The following TRHDE variants were observed in gnomAD, a reference collection of about 807,000 sequenced individuals.
TRHDE encodes the protein thyrotropin releasing hormone degrading enzyme, also known as thyrotropin-releasing hormone-degrading ectoenzyme.
TRHDE carries 72 observed loss-of-function variants against 125.7 expected under a neutral mutation model. The observed-to-expected ratio is 0.57, with a 90% CI of 0.47 to 0.70. The LOEUF is 0.70. TRHDE is among the 30% of genes least tolerant of loss of function. The pLI, the probability that TRHDE is intolerant of heterozygous loss-of-function variation, is 0.00. For synonymous variants in TRHDE, 509 were observed against 509.1 expected (o/e 1.00, Z 0.00); for missense variants, 1,110 against 1,327.1 (o/e 0.84, Z 2.54).
chr12:72,281,501 T>C (rs191912938), intron 1 of TRHDE, among the ~76,000 whole-genome samples: 2 of 152,328 alleles, frequency 1.3e-5, no homozygotes, highest in East Asian at 1.9e-4. Flanking sequence ...CTTAAACTAC[T>C]GCAATATTAG....
At chr12:72,160,941 C>T (rs1876623745) in intron 2 of TRHDE, among the ~76,000 whole-genome samples, 1 of 152,150 alleles carries the variant, frequency 6.6e-6, no homozygotes, top group Non-Finnish European at 1.5e-5. Context: ...GAACTCTTCA[C>T]TGTCCTGGAA....
intron 2 of TRHDE, among the ~76,000 whole-genome samples, chr12:72,265,400 A>G (rs1029362506): frequency 5.9e-5 from 9 of 151,882 alleles, no homozygotes; most frequent in Non-Finnish European, 1.2e-4. Flanking sequence ...ACAGAGAGAG[A>G]AAAAATGGTA....
chr12:72,450,321 A>G (rs1193475239), intron 3 of TRHDE, among the ~76,000 whole-genome samples: 9 of 152,074 alleles, frequency 5.9e-5, no homozygotes, highest in Non-Finnish European at 1.3e-4. Flanking sequence ...CATTAAACAA[A>G]TGAAGAAGCC....
At chr12:72,612,692 A>G (rs1013280825) in intron 12 of TRHDE, among the ~76,000 whole-genome samples, 1 of 152,228 alleles carries the variant, frequency 6.6e-6, no homozygotes, top group African/African-American at 2.4e-5. Flanking sequence ...ATAACATCAT[A>G]ACTGGTATAC....
At chr12:72,254,191 A>T (rs1878753325) in intron 2 of TRHDE, 1 of 152,028 alleles carries the variant, frequency 6.6e-6, no homozygotes, top group Non-Finnish European at 1.5e-5. Flanking sequence ...CTTTACAGGG[A>T]CCTACAACCT....
chr12:72,646,175 T>C (rs1285480242), intron 15 of TRHDE, among the ~76,000 whole-genome samples: 4 of 152,040 alleles, frequency 2.6e-5, no homozygotes, highest in African/African-American at 9.7e-5. Context: ...TATTAAAAGG[T>C]ACACAATATG....
chr12:72,253,511 TTAAAAAAATGAACTTTATTTTTTA>T (rs1878735363), intron 2 of TRHDE: 1 of 152,242 alleles, frequency 6.6e-6, no homozygotes, highest in East Asian at 1.9e-4. Context: ...CTGTAGGTTT[TTAAAAAAATGAACTTTATTTTTTA>T]CAGCAATTTT....
intron 2 of TRHDE, among the ~76,000 whole-genome samples, chr12:72,128,524 G>A (rs749467047): frequency 6.6e-6 from 1 of 152,156 alleles, no homozygotes; most frequent in African/African-American, 2.4e-5. Flanking sequence ...GGACATTAAA[G>A]CAATGATTAA....
chr12:72,490,023 C>T (rs1370813889), intron 5 of TRHDE, among the ~76,000 whole-genome samples: 1 of 151,532 alleles, frequency 6.6e-6, no homozygotes, highest in Admixed American at 6.6e-5. Context: ...AGCTTCTGTA[C>T]AGCAAAGGAA....
chr12:72,151,293 T>A (rs1011067615), intron 2 of TRHDE, among the ~76,000 whole-genome samples: 2 of 152,340 alleles, frequency 1.3e-5, no homozygotes, highest in East Asian at 1.9e-4. Context: ...TTCTGGATAT[T>A]AGCCCTTTGT....
intron 3 of TRHDE, among the ~76,000 whole-genome samples, chr12:72,395,000 T>A (rs1360909720): frequency 6.6e-6 from 1 of 152,230 alleles, no homozygotes; most frequent in East Asian, 1.9e-4. Flanking sequence ...AATGTCTAAG[T>A]CTAATCAAGC....
At chr12:72,358,908 C>G (rs1419460011) in intron 2 of TRHDE, among the ~76,000 whole-genome samples, 1 of 151,360 alleles carries the variant, frequency 6.6e-6, no homozygotes, top group Non-Finnish European at 1.5e-5. Flanking sequence ...AAACAATAAG[C>G]TATCAAGAAC....
chr12:72,484,981 G>A (rs1272666910), intron 5 of TRHDE, among the ~76,000 whole-genome samples: 3 of 152,118 alleles, frequency 2.0e-5, no homozygotes, highest in Non-Finnish European at 4.4e-5. Context: ...CATTGCCTCC[G>A]TCACCCCATT....
intron 6 of TRHDE, among the ~76,000 whole-genome samples, chr12:72,525,058 G>T (rs908490864): frequency 1.3e-5 from 2 of 152,008 alleles, no homozygotes; most frequent in Non-Finnish European, 2.9e-5. Flanking sequence ...TCTCAATGAT[G>T]CATTTATCCA....
intron 2 of TRHDE, among the ~76,000 whole-genome samples, chr12:72,120,787 C>A (rs1240842950): frequency 6.6e-6 from 1 of 150,740 alleles, no homozygotes; most frequent in Admixed American, 6.6e-5. Flanking sequence ...CAAGTAATTC[C>A]CCTGCCTCAG....
chr12:72,226,414 C>T (rs190494581), intron 2 of TRHDE, among the ~76,000 whole-genome samples: 10 of 152,066 alleles, frequency 6.6e-5, no homozygotes, highest in East Asian at 1.9e-4. Context: ...CTTTAAACTC[C>T]GATATATACA....
intron 7 of TRHDE, among the ~76,000 whole-genome samples, chr12:72,549,336 A>G (rs1261064655): frequency 2.6e-5 from 4 of 151,872 alleles, no homozygotes; most frequent in Admixed American, 2.6e-4. Flanking sequence ...TGTCCCTTAC[A>G]TGTAGGTTTT....
intron 5 of TRHDE, among the ~76,000 whole-genome samples, chr12:72,497,097 T>A (rs1274840114): frequency 2.0e-5 from 3 of 152,144 alleles, no homozygotes; most frequent in Non-Finnish European, 4.4e-5. Flanking sequence ...GTTGTTTTTT[T>A]AATTACACAA....
At chr12:72,529,395 T>C (rs1014140439) in intron 6 of TRHDE, among the ~76,000 whole-genome samples, 1 of 152,156 alleles carries the variant, frequency 6.6e-6, no homozygotes, top group Non-Finnish European at 1.5e-5. Context: ...GAATAAAACA[T>C]TGAAGTCCTC....
Sources: gnomAD v4.1 joint callset for allele counts (sites outside exome capture counted in the v4.1 genomes callset) on GRCh38, gnomAD v4.1.1 for gene constraint, MANE v1.5 for transcripts, NCBI Gene and HGNC (gene_info 2026-07-23, HGNC 2026-07-21) for gene names.